Variants in MINDY4 observed in about 807,000 individuals in gnomAD.
The protein encoded by MINDY4 is probable ubiquitin carboxyl-terminal hydrolase MINDY-4.
MINDY4 carries 68 observed loss-of-function variants against 87.0 expected under a neutral mutation model. The ratio of observed to expected loss-of-function variants is 0.78; its 90% CI spans 0.64 to 0.96. The LOEUF is 0.96. Ranked by LOEUF, MINDY4 falls within the 40% of genes least tolerant of loss-of-function variation. The pLI, the probability that MINDY4 is intolerant of heterozygous loss-of-function variation, is 0.00. For missense variants in MINDY4, 919 were observed against 928.2 expected (o/e 0.99, Z 0.13); for synonymous variants, 379 against 363.2 (o/e 1.04, Z -0.50).
chr7:30,815,674 C>T lies in MINDY4; in HGVS notation c.1074-13005C>T, dbSNP rs75489507. Reference sequence around the variant, plus strand: ...ACATGCTTCATAGAGATCACTTTTCCTTCGAGAAGATATTTTTCTCTCCCT... The same window carrying T: ...ACATGCTTCATAGAGATCACTTTTCTTTCGAGAAGATATTTTTCTCTCCCT... On this transcript the variant is annotated intron_variant, in intron 5 of 17. Transcript: ENST00000265299. Among the ~76,000 whole-genome samples the T allele has an allele frequency of 4.4e-3, 669 of 152,300 alleles. 6 individuals carry two copies. Among genetic ancestry groups the T allele is most frequent in the African/African-American group, 0.016 (648 of 41,550 alleles).
intron 13 of MINDY4, among the ~76,000 whole-genome samples, chr7:30,864,568 C>T (rs193154566): frequency 1.2e-3 from 178 of 152,356 alleles, no homozygotes; most frequent in African/African-American, 4.0e-3. Flanking sequence ...TCCTTCTGCA[C>T]GGTGGGCTCA....
intron 5 of MINDY4, among the ~76,000 whole-genome samples, chr7:30,809,793 A>AG (rs869223350): frequency 4.2e-4 from 63 of 148,372 alleles, no homozygotes; most frequent in African/African-American, 1.5e-3. Flanking sequence ...GAAAAAAAAA[A>AG]GGGGGAAAAA....
At chr7:30,859,083 A>T (rs1011284199) in intron 12 of MINDY4, 174 bp from the exon 13 acceptor site, 1 of 719,954 alleles carries the variant, frequency 1.4e-6, no homozygotes, top group Admixed American at 2.0e-5. Flanking sequence ...AGGTTGTTGC[A>T]ATGTCCCATC....
In MINDY4 at chr7:30,791,221, A is replaced by G. The variant is rs1329120424; in HGVS notation, c.720A>G (p.Gln240=). 1.9e-6 allele frequency: 3 copies of G among 1,613,762 alleles called. No individual in the cohort carries two copies. Among genetic ancestry groups the G allele is most frequent in the Non-Finnish European group, 2.5e-6 (3 of 1,179,978 alleles). The stretch of plus-strand genomic sequence containing the variant: ...CCTCACCGTCAAGCAGCTCCACCCA[A>G]CCCCAAGAAGAGAGCCGGAAGGTCC... The part of the protein sequence containing the change: ...RRSSPSSSST[Q]PQEESRKVPE... The change falls in exon 5 of 18, where the codon CAA becomes CAG. Residue 240 remains glutamine (Q), a synonymous_variant. Transcript: ENST00000265299.
intron 4 of MINDY4, among the ~76,000 whole-genome samples, chr7:30,789,352 C>T (rs1787249797): frequency 6.6e-6 from 1 of 152,170 alleles, no homozygotes. Flanking sequence ...ATCTGAAACC[C>T]ACAAAGGATG....
Position 30,836,640 on chromosome 7 carries a change from G to A in MINDY4, c.1133-18G>A, listed in dbSNP as rs1788866955. 1 of 1,603,536 alleles carries A rather than the reference G, an allele frequency of 6.2e-7. No individual in the cohort carries two copies. Among genetic ancestry groups the A allele is most frequent in the South Asian group, 1.1e-5 (1 of 90,756 alleles). On this transcript the variant is annotated intron_variant, in intron 6 of 17. Transcript: ENST00000265299. ...TGAGTCATAACGAAGGGCTCACATG[G>A]CCATGGTTTTCTTTCAGAGGATGTG...
chr7:30,828,563 C>G, intron 5 of MINDY4, 116 bp from the exon 6 acceptor site: 2 of 1,079,226 alleles, frequency 1.9e-6, no homozygotes, highest in Non-Finnish European at 2.8e-6. Context: ...AGAGGCAAGG[C>G]CAAGACTAGA....
At chr7:30,860,326 C>T (rs556167393) in intron 13 of MINDY4, among the ~76,000 whole-genome samples, 3 of 152,254 alleles carry the variant, frequency 2.0e-5, no homozygotes, top group African/African-American at 7.2e-5. Context: ...AGTGGGGGCT[C>T]TGTGGCCTCG....
rs1279694160 is a variant in MINDY4, at chr7:30,778,510, C to G, written c.142C>G (p.Arg48Gly). 6.2e-7 allele frequency: 1 copy of G among 1,614,078 alleles called. No homozygotes were observed. Among genetic ancestry groups the G allele is most frequent in the Admixed American group, 1.7e-5 (1 of 60,016 alleles). ...CAGCATAAACAACAGAAATGATCTT[C>G]GAAAGGTTTTGCATCTTGAATTTCT... ...DLSINNRNDL[R>G]KVLHLEFLYK... The change falls in exon 2 of 18, where the codon CGA (arginine) becomes GGA (glycine). Residue 48 changes from arginine (R) to glycine (G), a missense_variant. By Grantham distance (125) the Arg-to-Gly change is moderately radical (BLOSUM62 -2). Transcript: ENST00000265299.
At chr7:30,791,690 A>C in intron 5 of MINDY4, 116 bp downstream of exon 5, 1 of 1,129,090 alleles carries the variant, frequency 8.9e-7, no homozygotes, top group Non-Finnish European at 1.2e-6. Context: ...CTCTCAGAAC[A>C]AGCCTGCGAA....
In MINDY4 at chr7:30,778,431, G is replaced by A. The variant is rs1786895593; in HGVS notation, c.64-1G>A. ...ACAGCGATTCAGCTTTCTTCCCTCAGGGCTTAAAGAAGACATGTGTGACCA... is the reference window on the plus strand; with the variant it reads ...ACAGCGATTCAGCTTTCTTCCCTCAAGGCTTAAAGAAGACATGTGTGACCA... On this transcript the variant is annotated splice_acceptor_variant, in intron 1 of 17. Transcript: ENST00000265299. LOFTEE classifies it high-confidence loss of function. 1 of 1,614,198 alleles carries A rather than the reference G, an allele frequency of 6.2e-7. No homozygotes were observed. Among genetic ancestry groups the A allele is most frequent in the East Asian group, 2.2e-5 (1 of 44,890 alleles).
chr7:30,865,854 C>T (rs1266176787), intron 13 of MINDY4, among the ~76,000 whole-genome samples: 1 of 152,214 alleles, frequency 6.6e-6, no homozygotes, highest in Admixed American at 6.5e-5. Context: ...GTGCCTGCAT[C>T]GTCTTCCCTG....
chr7:30,826,054 A>G (rs1788490390), intron 5 of MINDY4, among the ~76,000 whole-genome samples: 1 of 152,182 alleles, frequency 6.6e-6, no homozygotes, highest in Non-Finnish European at 1.5e-5. Context: ...CTCTGCTTCC[A>G]TGTTCACATC....
intron 13 of MINDY4, among the ~76,000 whole-genome samples, chr7:30,861,979 G>A (rs775695336): frequency 6.6e-6 from 1 of 152,256 alleles, no homozygotes; most frequent in Non-Finnish European, 1.5e-5. Flanking sequence ...CCGCCCAGGG[G>A]CATGCAGTTC....
intron 3 of MINDY4, 42 bp from the exon 4 acceptor site, chr7:30,785,707 T>G (rs530502937): frequency 1.9e-6 from 3 of 1,609,786 alleles, no homozygotes; most frequent in East Asian, 2.2e-5. Context: ...TACTGATTCC[T>G]TTTGGGGAGT....
intron 5 of MINDY4, among the ~76,000 whole-genome samples, chr7:30,824,377 A>G (rs1188774370): frequency 1.3e-5 from 2 of 152,190 alleles, no homozygotes; most frequent in Non-Finnish European, 2.9e-5. Context: ...TGACTCAATC[A>G]TCTCCTGAAT....
At chr7:30,845,873 TCTC>T (rs1199747554) in intron 9 of MINDY4, among the ~76,000 whole-genome samples, 2 of 152,168 alleles carry the variant, frequency 1.3e-5, no homozygotes, top group African/African-American at 2.4e-5. Context: ...GCAGCCGGCC[TCTC>T]CTCAGTCGGG....
chr7:30,786,091 G>T (rs1787152014), intron 4 of MINDY4, 99 bp downstream of exon 4: 1 of 1,492,064 alleles, frequency 6.7e-7, no homozygotes, highest in African/African-American at 1.4e-5. Context: ...CCACAGGGCA[G>T]TCCGAGAAGA....
chr7:30,838,034 A>G (rs182236775), intron 7 of MINDY4, among the ~76,000 whole-genome samples: 3 of 152,278 alleles, frequency 2.0e-5, no homozygotes, highest in African/African-American at 7.2e-5. Context: ...TGACCCAGAG[A>G]GGGGGTACAG....
Sources: allele counts gnomAD v4.1 joint callset (sites outside exome capture counted in the v4.1 genomes callset), GRCh38; gene constraint gnomAD v4.1.1; transcripts MANE v1.5; gene names NCBI Gene and HGNC (gene_info 2026-07-23, HGNC 2026-07-21).